ZNF618: variants seen among roughly 807,000 people sequenced by gnomAD.
ZNF618 encodes neural precursor cell expressed, developmentally down-regulated 10.
Under a neutral mutation model 103.0 loss-of-function variants are expected in ZNF618, and 34 were observed. The observed-to-expected ratio is 0.33, with a 90% CI of 0.25 to 0.44. ZNF618 has a LOEUF of 0.44. Ranked by LOEUF, ZNF618 falls within the 20% of genes least tolerant of loss-of-function variation. The probability of loss-of-function intolerance (pLI) is 1.00; values close to 1 mark genes in which losing one functional copy is unlikely to be tolerated. For synonymous variants in ZNF618, 551 were observed against 542.2 expected, an observed-to-expected ratio of 1.02 and a Z score of -0.23; for missense variants, 1,059 against 1,295.4, an observed-to-expected ratio of 0.82 and a Z score of 2.80.
intron 1 of ZNF618, among the ~76,000 whole-genome samples, chr9:113,935,404 G>T (rs1279554162): frequency 6.6e-6 from 1 of 152,158 alleles, no homozygotes; most frequent in East Asian, 1.9e-4. Flanking sequence ...CACAGCTGAT[G>T]CCCTCTGAGC....
chr9:113,969,742 G>C lies in ZNF618; in HGVS notation c.77+582G>C, dbSNP rs368997049. ...GCCCAAGCTGTGGACATCATGACAG[G>C]TGTCACAGGTAGGTACTTGGTAATG... is the stretch of plus-strand genomic sequence containing the variant. On this transcript the variant is annotated intron_variant, in intron 2 of 14. Transcript: ENST00000374126. 9.8e-5 allele frequency among the ~76,000 whole-genome samples: 15 copies of C among 152,350 alleles called. No homozygotes were observed. In the East Asian group the frequency reaches 2.5e-3, roughly 25 times the overall value.
intron 1 of ZNF618, among the ~76,000 whole-genome samples, chr9:113,946,405 A>G (rs1222268879): frequency 6.6e-6 from 1 of 152,078 alleles, no homozygotes; most frequent in Non-Finnish European, 1.5e-5. Context: ...CTTCAAAAAA[A>G]AAAAAAAAAA....
At chr9:113,943,022 C>T (rs533268205) in intron 1 of ZNF618, among the ~76,000 whole-genome samples, 2 of 152,200 alleles carry the variant, frequency 1.3e-5, no homozygotes, top group South Asian at 2.1e-4. Flanking sequence ...TGAGGATTGT[C>T]CCAGGTGCAT....
At chr9:113,992,733 A>G (rs1041723731) in intron 3 of ZNF618, among the ~76,000 whole-genome samples, 1 of 152,206 alleles carries the variant, frequency 6.6e-6, no homozygotes. Flanking sequence ...CAGACAAACA[A>G]TGTTCCCAGT....
At chr9:113,966,638 G>A (rs1837427826) in intron 1 of ZNF618, among the ~76,000 whole-genome samples, 1 of 152,144 alleles carries the variant, frequency 6.6e-6, no homozygotes, top group South Asian at 2.1e-4. Flanking sequence ...GGTGTAGCTG[G>A]ACTCGGCCAG....
chr9:114,044,543 T>C (rs1378932833), intron 13 of ZNF618, among the ~76,000 whole-genome samples: 2 of 152,168 alleles, frequency 1.3e-5, no homozygotes, highest in African/African-American at 4.8e-5. Context: ...TGGTACCATA[T>C]AAATTTTAGG....
At chr9:113,946,003 G>T (rs987876862) in intron 1 of ZNF618, among the ~76,000 whole-genome samples, 6 of 152,188 alleles carry the variant, frequency 3.9e-5, no homozygotes, top group African/African-American at 1.4e-4. Flanking sequence ...AATGCTGGAG[G>T]CAAATTTGAG....
At chr9:113,913,741 G>A (rs547430390) in intron 1 of ZNF618, among the ~76,000 whole-genome samples, 1 of 150,756 alleles carries the variant, frequency 6.6e-6, no homozygotes, top group Non-Finnish European at 1.5e-5. Context: ...GGGAGGGAGG[G>A]TGGGTGCTGT....
intron 1 of ZNF618, among the ~76,000 whole-genome samples, chr9:113,908,662 G>A (rs16910473): frequency 0.049 from 7,503 of 152,032 alleles, 280 homozygotes; most frequent in African/African-American, 0.096. Context: ...TCTCTGGTTG[G>A]CCCCTCAGGC....
intron 1 of ZNF618, among the ~76,000 whole-genome samples, chr9:113,946,235 C>T (rs748565015): frequency 6.6e-6 from 1 of 152,160 alleles, no homozygotes; most frequent in Non-Finnish European, 1.5e-5. Flanking sequence ...GGTGTTAAAG[C>T]TTTCGGGGCT....
intron 2 of ZNF618, among the ~76,000 whole-genome samples, chr9:113,973,323 C>T (rs146090947): frequency 1.1e-4 from 16 of 152,290 alleles, no homozygotes; most frequent in Admixed American, 5.9e-4. Context: ...CCCAGCTATG[C>T]TATGGCACAC....
chr9:113,968,463 G>A (rs1837635345), intron 1 of ZNF618, among the ~76,000 whole-genome samples: 1 of 152,168 alleles, frequency 6.6e-6, no homozygotes, highest in African/African-American at 2.4e-5. Context: ...ACCTCTGTCA[G>A]CCTCTGCATT....
intron 1 of ZNF618, among the ~76,000 whole-genome samples, chr9:113,919,394 A>G (rs1461204809): frequency 6.6e-6 from 1 of 152,250 alleles, no homozygotes; most frequent in African/African-American, 2.4e-5. Flanking sequence ...ATTTTTCTTT[A>G]TAAAAGATTA....
chr9:113,917,088 C>G (rs1832172158), intron 1 of ZNF618, among the ~76,000 whole-genome samples: 2 of 152,072 alleles, frequency 1.3e-5, no homozygotes, highest in African/African-American at 4.8e-5. Context: ...TTCAGTCTGA[C>G]TTTGTTTTTT....
chr9:114,047,138 T>C (rs1293896901), intron 13 of ZNF618, among the ~76,000 whole-genome samples: 1 of 152,004 alleles, frequency 6.6e-6, no homozygotes, highest in Admixed American at 6.5e-5. Context: ...TGTCAAGGAG[T>C]AACCATGCAT....
rs1466560803 is a variant in ZNF618 at position 114,053,268 on chromosome 9, G to A, written c.*3101G>A. 1 of 152,350 alleles carries A rather than the reference G, an allele frequency of 6.6e-6. No homozygotes were observed. Among genetic ancestry groups the A allele is most frequent in the African/African-American group, 2.4e-5 (1 of 41,444 alleles). The allele number at this position is 152,350 out of a possible 1,614,324, so 9.4% of individuals were successfully genotyped here. A position where few individuals can be genotyped will look rare whatever the true frequency, so the allele number is the denominator to read the frequency against. ...TAGTTCAGCCAAAGGATTGAGACAG[G>A]CTCTTCCAGTTCATCTCCTGGTGTC... On this transcript the variant is annotated 3_prime_UTR_variant, in exon 15 of 15. Coordinates refer to ENST00000374126, the MANE Select transcript of ZNF618 (RefSeq NM_001318042.2).
At chr9:114,037,280 C>G (rs191836101) in intron 13 of ZNF618, among the ~76,000 whole-genome samples, 163 of 152,266 alleles carry the variant, frequency 1.1e-3, no homozygotes, top group African/African-American at 3.6e-3. Flanking sequence ...TGGCTCCGTC[C>G]TCCTCTAGAT....
chr9:113,922,477 GTTTTT>G (rs71367740), intron 1 of ZNF618, among the ~76,000 whole-genome samples: 9 of 132,978 alleles, frequency 6.8e-5, no homozygotes, highest in African/African-American at 2.3e-4. Context: ...GTTTTGGTTT[GTTTTT>G]TTTTTTTTTT....
intron 2 of ZNF618, among the ~76,000 whole-genome samples, chr9:113,981,318 C>T (rs993423736): frequency 1.3e-5 from 2 of 152,122 alleles, no homozygotes; most frequent in African/African-American, 2.4e-5. Flanking sequence ...AGTCTTGGGA[C>T]GTAGATGTAC....
Sources: gnomAD v4.1 joint callset for allele counts (sites outside exome capture counted in the v4.1 genomes callset) on GRCh38, gnomAD v4.1.1 for gene constraint, MANE v1.5 for transcripts, NCBI Gene and HGNC (gene_info 2026-07-23, HGNC 2026-07-21) for gene names.